Variants in GFRA4 observed in about 807,000 individuals in gnomAD.
GFRA4 encodes the protein GDNF family receptor alpha 4.
In GFRA4, 31 loss-of-function variants were observed where a neutral mutation model predicts 28.5. The observed-to-expected ratio is 1.09, with a 90% CI of 0.82 to 1.47. The LOEUF (loss-of-function observed/expected upper bound fraction) is 1.47. Among genes scored for constraint, GFRA4 ranks in the 40% most tolerant of loss-of-function variants. The probability of loss-of-function intolerance (pLI) is 0.00; values close to 1 mark genes in which losing one functional copy is unlikely to be tolerated. For missense variants in GFRA4, 389 were observed against 413.2 expected (o/e 0.94, Z 0.51); for synonymous variants, 188 against 188.0 (o/e 1.00, Z 0.00).
chr20:3,660,431 A>G, intron 4 of GFRA4, 95 bp downstream of exon 4: 1 of 1,286,282 alleles, frequency 7.8e-7, no homozygotes, highest in Non-Finnish European at 1.1e-6. Flanking sequence ...ACAGTCTTCC[A>G]TTCTCCCCTC....
At chr20:3,662,480 T>A (rs2087233778) in intron 1 of GFRA4, among the ~76,000 whole-genome samples, 1 of 27,140 alleles carries the variant, frequency 3.7e-5, no homozygotes. Flanking sequence ...TACGGGGTGG[T>A]ATCCCCCCCC....
At chr20:3,662,116 T>C (rs2087230558) in intron 1 of GFRA4, among the ~76,000 whole-genome samples, 1 of 151,856 alleles carries the variant, frequency 6.6e-6, no homozygotes, top group South Asian at 2.1e-4. Flanking sequence ...GACCCAAGGG[T>C]TCATCAGTGG....
At chr20:3,660,056 AC>A in intron 5 of GFRA4, 67 bp from the exon 6 acceptor site, 1 of 1,511,084 alleles carries the variant, frequency 6.6e-7, no homozygotes, top group Non-Finnish European at 8.9e-7. Context: ...CTGCACCCCC[AC>A]CCCAGGCCCT....
intron 1 of GFRA4, 68 bp downstream of exon 1, chr20:3,663,286 C>T: frequency 6.5e-7 from 1 of 1,550,376 alleles, no homozygotes; most frequent in South Asian, 1.2e-5. Context: ...TGCCCTCCCA[C>T]CTTGTCACTG....
Position 3,660,820 on chromosome 20 carries a change from C to G in GFRA4, c.437G>C (p.Ser146Thr). 7.1e-7 allele frequency: 1 copy of G among 1,417,728 alleles called. No homozygotes were observed. The highest frequency in any genetic ancestry group is 9.1e-7 in the Non-Finnish European group (1 of 1,098,440). The allele number at this position is 1,417,728 out of a possible 1,614,324, so 87.8% of individuals were successfully genotyped here. A position where few individuals can be genotyped will look rare whatever the true frequency, so the allele number is the denominator to read the frequency against. The change falls in exon 3 of 6, where the codon AGC (serine) becomes ACC (threonine). Residue 146 changes from serine (S) to threonine (T), a missense_variant. Coordinates refer to ENST00000290417, the MANE Select transcript of GFRA4 (RefSeq NM_022139.4). ...GTCCAGCAGGCAGCCGTCGGGGGCG[C>G]TGGGCGCTGGGGTGCACGAGACCTG... ...AFQVSCTPAP[S>T]APDGCLLDQG...
At chr20:3,660,392 G>A (rs971723770) in intron 4 of GFRA4, 134 bp downstream of exon 4, 8 of 1,086,524 alleles carry the variant, frequency 7.4e-6, no homozygotes, top group Admixed American at 2.5e-5. Flanking sequence ...AAAATAATAA[G>A]CACAGCTGTG....
chr20:3,660,864 C>G lies in GFRA4; in HGVS notation c.393G>C (p.Arg131Ser). 1 of 1,413,548 alleles carries G rather than the reference C, an allele frequency of 7.1e-7. No individual in the cohort carries two copies. Among genetic ancestry groups the G allele is most frequent in the East Asian group, 3.0e-5 (1 of 33,818 alleles). The allele number at this position is 1,413,548 out of a possible 1,614,324, so 87.6% of individuals were successfully genotyped here. ...LNFCERSRVC[R>S]PRLLAFQVSC... ...AGACCTGAAAGGCCAGGAGGCGAGG[C>G]CTGCGCGGCGGGAGGGCGGTGAGCC... is the stretch of plus-strand genomic sequence containing the variant. The change falls in exon 3 of 6, where the codon AGG (arginine) becomes AGC (serine). Residue 131 changes from arginine to serine, a missense_variant and splice_region_variant. By Grantham distance (110) the Arg-to-Ser change is moderately radical (BLOSUM62 -1). Coordinates refer to ENST00000290417, the MANE Select transcript of GFRA4 (RefSeq NM_022139.4).
In GFRA4 at chr20:3,661,119, C is replaced by A. The variant is rs1037940365; in HGVS notation, c.217G>T (p.Ala73Ser). 5 of 1,310,308 alleles carry A rather than the reference C, an allele frequency of 3.8e-6. No homozygotes were observed. Among genetic ancestry groups the A allele is most frequent in the Admixed American group, 4.2e-5 (1 of 23,834 alleles). 81.2% of individuals were successfully genotyped at this position (1,310,308 alleles called of 1,614,324 possible). A position where few individuals can be genotyped will look rare whatever the true frequency, so the allele number is the denominator to read the frequency against. The change falls in exon 2 of 6, where the codon GCC (alanine) becomes TCC (serine). Residue 73 changes from alanine to serine, a missense_variant. By Grantham distance (99) the Ala-to-Ser change is moderately conservative. Transcript: ENST00000290417. ...TGGGTGAGCGCGGGCGGCCCGCGGGCGAAGAAGCGGCGCAGGGCCCGGCGG... is the reference window on the plus strand; with the variant it reads ...TGGGTGAGCGCGGGCGGCCCGCGGGAGAAGAAGCGGCGCAGGGCCCGGCGG... ...RCRRALRRFF[A>S]RGPPALTHAL...
At position 3,660,655 on chromosome 20, in the gene GFRA4, C is replaced by T. The variant is rs1319004683; in HGVS notation, c.508G>A (p.Ala170Thr). Residue 170 changes from alanine to threonine, a missense_variant, in exon 4 of 6, where the codon GCC becomes ACC. Ala to Thr is a moderately conservative substitution (Grantham distance 58). Transcript: ENST00000290417. ...TTGTCCACGTAGTTAGGGGTGACGGCGGTGCCTGCGGGGACCCTGAGGGCG... is the reference window on the plus strand; with the variant it reads ...TTGTCCACGTAGTTAGGGGTGACGGTGGTGCCTGCGGGGACCCTGAGGGCG... ...LRAYAGLVGT[A>T]VTPNYVDNVS... The T allele has an allele frequency of 2.6e-6, 4 of 1,548,674 alleles. No individual in the cohort carries two copies. The highest frequency in any genetic ancestry group is 2.7e-5 in the African/African-American group (2 of 73,002).
In GFRA4 at chr20:3,660,003, G is replaced by C. The variant is rs759631725; in HGVS notation, c.730-14C>G. On this transcript the variant is annotated splice_polypyrimidine_tract_variant and intron_variant, in intron 5 of 5. Transcript: ENST00000290417. ...TGTGGAGGACACCTTGGGGGTGGGA[G>C]CCAAGTGCAGACTTGAGGCAAAAGC... 3 of 1,558,162 alleles carry C rather than the reference G, an allele frequency of 1.9e-6. No homozygotes were observed. In the Admixed American group the frequency reaches 5.9e-5, roughly 31 times the overall value.
In GFRA4 at chr20:3,659,785, T is replaced by A; in HGVS notation, c.*124A>T. 1 of 906,286 alleles carries A rather than the reference T, an allele frequency of 1.1e-6. No individual in the cohort carries two copies. The highest frequency in any genetic ancestry group is 1.7e-6 in the Non-Finnish European group (1 of 586,200). The allele number at this position is 906,286 out of a possible 1,614,324, so 56.1% of individuals were successfully genotyped here. On this transcript the variant is annotated 3_prime_UTR_variant, in exon 6 of 6. Transcript: ENST00000290417. ...TCCAAACCTACAAAGGGCAGCGGAG[T>A]GAAAGCACCAGGGCCGGCTTGGGGG... is the stretch of plus-strand genomic sequence containing the variant.
intron 1 of GFRA4, among the ~76,000 whole-genome samples, chr20:3,662,842 C>T (rs536811939): frequency 5.3e-5 from 8 of 152,344 alleles, no homozygotes; most frequent in Non-Finnish European, 8.8e-5. Context: ...CTTACCCAGT[C>T]TCCACCCTCA....
rs189846463 is a variant in GFRA4, at chr20:3,662,780, G to A, written c.46+574C>T. On this transcript the variant is annotated intron_variant, in intron 1 of 5. Coordinates refer to ENST00000290417, the MANE Select transcript of GFRA4 (RefSeq NM_022139.4). ...CACCAGCACCTGATGTTGCCTAAGG[G>A]TTTGAACCCACCTCTGCCTGTTGCT... Among the ~76,000 whole-genome samples the A allele has an allele frequency of 1.1e-3, 169 of 152,244 alleles. 1 individual carries two copies. The highest frequency in any genetic ancestry group is 3.9e-3 in the African/African-American group (162 of 41,530).
rs980857966 is a variant in GFRA4 at position 3,659,283 on chromosome 20, T to G, written c.*626A>C. 2 of 157,350 alleles carry G rather than the reference T, an allele frequency of 1.3e-5. No homozygotes were observed. The highest frequency in any genetic ancestry group is 6.1e-5 in the Admixed American group (1 of 16,524). 9.7% of individuals were successfully genotyped at this position (157,350 alleles called of 1,614,324 possible). A position where few individuals can be genotyped will look rare whatever the true frequency, so the allele number is the denominator to read the frequency against. On this transcript the variant is annotated 3_prime_UTR_variant, in exon 6 of 6. Coordinates refer to ENST00000290417, the MANE Select transcript of GFRA4 (RefSeq NM_022139.4). ...GCACACAGATTTAATAAGCACTGTA[T>G]GTTATTCCTACAGCTGCAGGAAACC...
chr20:3,660,775 C>T lies in GFRA4; in HGVS notation c.482G>A (p.Arg161His). 1 of 1,413,104 alleles carries T rather than the reference C, an allele frequency of 7.1e-7. No homozygotes were observed. Among genetic ancestry groups the T allele is most frequent in the Non-Finnish European group, 9.1e-7 (1 of 1,093,500 alleles). The allele number at this position is 1,413,104 out of a possible 1,614,324, so 87.5% of individuals were successfully genotyped here. Residue 161 changes from arginine (R) to histidine (H), a missense_variant, in exon 3 of 6, where the codon CGC becomes CAC. By Grantham distance (29) the Arg-to-His change is conservative. Transcript: ENST00000290417. Reference sequence around the variant, plus strand: ...CGTACCCACGAGGCCCGCGTAGGCGCGCAGGCAGCGGGCGCCCTGGTCCAG... The same window carrying T: ...CGTACCCACGAGGCCCGCGTAGGCGTGCAGGCAGCGGGCGCCCTGGTCCAG... ...CLLDQGARCL[R>H]AYAGLVGTAV...
At chr20:3,662,224 T>C (rs968941094) in intron 1 of GFRA4, among the ~76,000 whole-genome samples, 2 of 152,116 alleles carry the variant, frequency 1.3e-5, no homozygotes, top group African/African-American at 4.8e-5. Flanking sequence ...AGACAGAGGG[T>C]GAGCTCTGCC....
chr20:3,662,947 G>A (rs940783509), intron 1 of GFRA4, among the ~76,000 whole-genome samples: 7 of 152,054 alleles, frequency 4.6e-5, no homozygotes, highest in Non-Finnish European at 7.4e-5. Context: ...CCCTCCCTCC[G>A]CGACATCCAT....
At position 3,659,806 on chromosome 20, in the gene GFRA4, G is replaced by T. The variant is rs1244757685; in HGVS notation, c.*103C>A. On this transcript the variant is annotated 3_prime_UTR_variant, in exon 6 of 6. Coordinates refer to ENST00000290417, the MANE Select transcript of GFRA4 (RefSeq NM_022139.4). Reference sequence around the variant, plus strand: ...GGAGTGAAAGCACCAGGGCCGGCTTGGGGGGTAAGCCAGCCCCTTCTCAAG... The same window carrying T: ...GGAGTGAAAGCACCAGGGCCGGCTTTGGGGGTAAGCCAGCCCCTTCTCAAG... 1.3e-5 allele frequency: 15 copies of T among 1,123,226 alleles called. No individual in the cohort carries two copies. The South Asian group carries it at 1.4e-4, about 10-fold the overall frequency. 69.6% of individuals were successfully genotyped at this position (1,123,226 alleles called of 1,614,324 possible). A position where few individuals can be genotyped will look rare whatever the true frequency, so the allele number is the denominator to read the frequency against.
At position 3,660,956 on chromosome 20, in the gene GFRA4, C is replaced by A; in HGVS notation, c.380G>T (p.Ser127Ile). 7.1e-7 allele frequency: 1 copy of A among 1,418,384 alleles called. No individual in the cohort carries two copies. The highest frequency in any genetic ancestry group is 9.1e-7 in the Non-Finnish European group (1 of 1,095,770). 87.9% of individuals were successfully genotyped at this position (1,418,384 alleles called of 1,614,324 possible). A position where few individuals can be genotyped will look rare whatever the true frequency, so the allele number is the denominator to read the frequency against. The change falls in exon 2 of 6, where the codon AGC becomes ATC. Residue 127 changes from serine to isoleucine, a missense_variant. Coordinates refer to ENST00000290417, the MANE Select transcript of GFRA4 (RefSeq NM_022139.4). ...CLEPLNFCER[S>I]RVCRPRLLAF... ...CGCCCGCGCGCACCTGCAGACCCGG[C>A]TGCGCTCGCAGAAGTTTAAGGGCTC... is the stretch of plus-strand genomic sequence containing the variant.
Sources: gnomAD v4.1 joint callset for allele counts (sites outside exome capture counted in the v4.1 genomes callset) on GRCh38, gnomAD v4.1.1 for gene constraint, MANE v1.5 for transcripts, NCBI Gene and HGNC (gene_info 2026-07-23, HGNC 2026-07-21) for gene names.